DOCK2: variants seen among roughly 807,000 people sequenced by gnomAD.
DOCK2 encodes the protein dedicator of cytokinesis 2.
In DOCK2, 87 loss-of-function variants were observed where a neutral mutation model predicts 248.9. That is an observed-to-expected ratio of 0.35 (90% confidence interval 0.29 to 0.42). The LOEUF (loss-of-function observed/expected upper bound fraction) is 0.42, where lower values mean the gene tolerates loss of function less well. Among genes scored for constraint, DOCK2 ranks in the 10% least tolerant of loss-of-function variants. DOCK2 has a pLI of 1.00. For synonymous variants in DOCK2, 805 were observed against 821.6 expected, an observed-to-expected ratio of 0.98 and a Z score of 0.35; for missense variants, 1,747 against 2,300.2, an observed-to-expected ratio of 0.76 and a Z score of 4.92.
chr5:170,026,519 G>C (rs6876810), intron 33 of DOCK2, among the ~76,000 whole-genome samples: 41,581 of 152,060 alleles, frequency 0.27, 6,272 homozygotes, highest in East Asian at 0.5. Flanking sequence ...TGACCTTTGC[G>C]AAGCTCCCCT....
At position 170,021,549 on chromosome 5, in the gene DOCK2, C is replaced by T. The variant is rs1259416505; in HGVS notation, c.3381+2441C>T. Among the ~76,000 whole-genome samples the T allele has an allele frequency of 3.9e-5, 6 of 152,144 alleles. No homozygotes were observed. The East Asian group carries it at 5.8e-4, about 15-fold the overall frequency. On this transcript the variant is annotated intron_variant, in intron 33 of 51. Transcript: ENST00000520908. ...TGATTTTCCTTCCCTAAAGGATTCT[C>T]GTATCTTGGTTTCTCTGTGGCATGC...
intron 30 of DOCK2, among the ~76,000 whole-genome samples, chr5:170,003,032 G>A (rs1754894363): frequency 6.6e-6 from 1 of 152,218 alleles, no homozygotes; most frequent in African/African-American, 2.4e-5. Context: ...ATTGTGCTGA[G>A]CATGGAATTA....
intron 22 of DOCK2, among the ~76,000 whole-genome samples, chr5:169,744,620 G>C (rs1258002533): frequency 6.8e-6 from 1 of 146,724 alleles, no homozygotes; most frequent in Non-Finnish European, 1.5e-5. Flanking sequence ...AAAAAAAAAA[G>C]TTAAATAATG....
intron 6 of DOCK2, among the ~76,000 whole-genome samples, chr5:169,678,037 A>G (rs1759434755): frequency 1.3e-5 from 2 of 152,270 alleles, no homozygotes; most frequent in Middle Eastern, 6.8e-3. Context: ...GGCAGTCTTT[A>G]AGTGGGGGAG....
intron 6 of DOCK2, among the ~76,000 whole-genome samples, chr5:169,680,068 C>T (rs1334379865): frequency 6.6e-6 from 1 of 152,150 alleles, no homozygotes; most frequent in Non-Finnish European, 1.5e-5. Flanking sequence ...CACACCCTAC[C>T]CCACTCCACA....
intron 22 of DOCK2, among the ~76,000 whole-genome samples, chr5:169,732,288 CT>C (rs1430731500): frequency 4.6e-5 from 7 of 152,160 alleles, no homozygotes; most frequent in Non-Finnish European, 1.0e-4. Flanking sequence ...TAACACAGAA[CT>C]CTTTTTGTAT....
At chr5:169,739,995 G>C (rs1355052694) in intron 22 of DOCK2, among the ~76,000 whole-genome samples, 1 of 152,074 alleles carries the variant, frequency 6.6e-6, no homozygotes, top group Non-Finnish European at 1.5e-5. Flanking sequence ...TATATTGGGG[G>C]GAAAAACCCT....
chr5:169,861,878 G>A (rs1231259656), intron 27 of DOCK2, among the ~76,000 whole-genome samples: 1 of 151,628 alleles, frequency 6.6e-6, no homozygotes, highest in Non-Finnish European at 1.5e-5. Context: ...GTACAGCCTT[G>A]TTTGGCTGTA....
At chr5:170,043,070 A>G (rs1216649515) in intron 38 of DOCK2, among the ~76,000 whole-genome samples, 1 of 152,178 alleles carries the variant, frequency 6.6e-6, no homozygotes, top group Non-Finnish European at 1.5e-5. Flanking sequence ...GATTGGCCAG[A>G]CCAGCTGCTG....
At chr5:169,934,386 A>C (rs959301476) in intron 27 of DOCK2, among the ~76,000 whole-genome samples, 1 of 152,068 alleles carries the variant, frequency 6.6e-6, no homozygotes, top group African/African-American at 2.4e-5. Context: ...TGTTGTTCCC[A>C]CTAATTTACC....
intron 22 of DOCK2, among the ~76,000 whole-genome samples, chr5:169,732,443 C>T (rs1762830618): frequency 6.6e-6 from 1 of 152,166 alleles, no homozygotes; most frequent in Non-Finnish European, 1.5e-5. Flanking sequence ...AATCCAGCCT[C>T]ACCTCTTCAC....
intron 29 of DOCK2, among the ~76,000 whole-genome samples, chr5:169,994,030 A>G (rs1778274729): frequency 6.6e-6 from 1 of 152,220 alleles, no homozygotes; most frequent in Non-Finnish European, 1.5e-5. Context: ...GAGCAATTGG[A>G]AGAATAGAAT....
intron 27 of DOCK2, among the ~76,000 whole-genome samples, chr5:169,870,151 C>T (rs1397648250): frequency 6.6e-6 from 1 of 152,132 alleles, no homozygotes; most frequent in Non-Finnish European, 1.5e-5. Context: ...CCTTCACATC[C>T]AAGGAGATGT....
At chr5:170,056,442 G>A (rs781689515) in intron 42 of DOCK2, 4 of 438,656 alleles carry the variant, frequency 9.1e-6, no homozygotes, top group African/African-American at 4.0e-5. Flanking sequence ...ATACTCTAGG[G>A]GTACTATGTT....
At chr5:169,668,306 T>C (rs1758846312) in intron 2 of DOCK2, among the ~76,000 whole-genome samples, 1 of 152,192 alleles carries the variant, frequency 6.6e-6, no homozygotes, top group Non-Finnish European at 1.5e-5. Flanking sequence ...TTTCTCCTTT[T>C]CTCCTTCCTC....
At chr5:169,858,182 C>T (rs967910185) in intron 27 of DOCK2, among the ~76,000 whole-genome samples, 4 of 152,252 alleles carry the variant, frequency 2.6e-5, no homozygotes, top group Middle Eastern at 3.4e-3. Context: ...CAAGAATAAG[C>T]GAGATGGCTT....
chr5:169,807,043 G>T (rs1224903683), intron 26 of DOCK2, among the ~76,000 whole-genome samples: 1 of 152,042 alleles, frequency 6.6e-6, no homozygotes, highest in Non-Finnish European at 1.5e-5. Context: ...GGCTGAGTGA[G>T]ACCTGGGCAG....
chr5:170,041,627 G>A lies in DOCK2; in HGVS notation c.3757-386G>A, dbSNP rs568207017. Among the ~76,000 whole-genome samples the A allele has an allele frequency of 2.9e-4, 44 of 152,326 alleles. 1 individual carries two copies. The highest frequency in any genetic ancestry group is 1.0e-3 in the African/African-American group (42 of 41,568). The stretch of plus-strand genomic sequence containing the variant: ...CCAGGAGCCTTCACAAGTGGAAATT[G>A]CAGCCCAGCATCTCTCTGACTGACA... On this transcript the variant is annotated intron_variant, in intron 37 of 51. Coordinates refer to ENST00000520908, the MANE Select transcript of DOCK2 (RefSeq NM_004946.3).
Position 170,079,001 on chromosome 5 carries a change from A to G in DOCK2, c.5021A>G (p.Lys1674Arg). The change falls in exon 49 of 52, where the codon AAG becomes AGG. Residue 1674 changes from lysine (K) to arginine (R), a missense_variant. Lys to Arg is a conservative substitution (Grantham distance 26). Coordinates refer to ENST00000520908, the MANE Select transcript of DOCK2 (RefSeq NM_004946.3). ...ESFDLELASPKTPRVEQEEPI... is the reference protein window; with the variant it reads ...ESFDLELASPRTPRVEQEEPI... ...TTTGACCTGGAATTAGCATCACCCA[A>G]GACGCCGAGAGTGGAGCAGGAGGAA... 1.2e-6 allele frequency: 2 copies of G among 1,614,098 alleles called. No homozygotes were observed. The highest frequency in any genetic ancestry group is 1.7e-5 in the Admixed American group (1 of 60,018).
Sources: allele counts gnomAD v4.1 joint callset (sites outside exome capture counted in the v4.1 genomes callset), GRCh38; gene constraint gnomAD v4.1.1; transcripts MANE v1.5; gene names NCBI Gene and HGNC (gene_info 2026-07-23, HGNC 2026-07-21).